SUZ12: variants seen among roughly 807,000 people sequenced by gnomAD.
The protein encoded by SUZ12 is polycomb protein SUZ12.
In SUZ12, 17 loss-of-function variants were observed where a neutral mutation model predicts 87.3. The ratio of observed to expected loss-of-function variants is 0.19; its 90% CI spans 0.13 to 0.29. The LOEUF (loss-of-function observed/expected upper bound fraction) is 0.29. SUZ12 is among the 10% of genes least tolerant of loss of function. SUZ12 has a pLI of 1.00. For synonymous variants in SUZ12, 253 were observed against 312.4 expected (o/e 0.81, Z 2.01); for missense variants, 526 against 912.2 (o/e 0.58, Z 5.45).
At chr17:31,938,389 C>T (rs947891028) in intron 1 of SUZ12, among the ~76,000 whole-genome samples, 2 of 152,170 alleles carry the variant, frequency 1.3e-5, no homozygotes, top group Admixed American at 1.3e-4. Context: ...CTTGAATAAA[C>T]TTGGCTCTAC....
rs769282850 is a variant in SUZ12, at chr17:31,988,480, A to T, written c.1184A>T (p.Lys395Ile). ...LHQENKPGSV[K>I]PTQTIAVKES... ...CAGGAAAACAAGCCTGGTTCAGTTA[A>T]ACCTACTCAAACTATTGGTAAGAAA... is the stretch of plus-strand genomic sequence containing the variant. The change falls in exon 10 of 16, where the codon AAA (lysine) becomes ATA (isoleucine). Residue 395 changes from lysine to isoleucine, a missense_variant. Around this residue, in one of 9 missense-constraint regions of SUZ12, gnomAD observed 85 missense variants for 87.4 expected, o/e 0.97. Coordinates refer to ENST00000322652, the MANE Select transcript of SUZ12 (RefSeq NM_015355.4). The T allele has an allele frequency of 6.3e-7, 1 of 1,598,496 alleles. No individual in the cohort carries two copies. Among genetic ancestry groups the T allele is most frequent in the South Asian group, 1.1e-5 (1 of 87,716 alleles).
intron 8 of SUZ12, among the ~76,000 whole-genome samples, chr17:31,977,364 C>G (rs1217395915): frequency 1.3e-5 from 2 of 150,944 alleles, no homozygotes; most frequent in Non-Finnish European, 2.9e-5. Context: ...TGCAACCCCT[C>G]TGCCACCTGG....
At chr17:31,966,261 A>T (rs1202292179) in intron 5 of SUZ12, 65 bp downstream of exon 5, 1 of 1,335,854 alleles carries the variant, frequency 7.5e-7, no homozygotes, top group Non-Finnish European at 1.0e-6. Flanking sequence ...ATGTAAAAAA[A>T]GTGGGGCTTC....
intron 4 of SUZ12, among the ~76,000 whole-genome samples, chr17:31,956,798 GT>G (rs1241781907): frequency 2.0e-5 from 3 of 150,878 alleles, no homozygotes; most frequent in East Asian, 3.9e-4. Flanking sequence ...ATATTTTTTG[GT>G]TTTTTGAGAC....
At chr17:31,971,862 C>G (rs1475180786) in intron 5 of SUZ12, among the ~76,000 whole-genome samples, 1 of 152,172 alleles carries the variant, frequency 6.6e-6, no homozygotes. Flanking sequence ...TGCCTGTAGT[C>G]TCAGCTACTT....
Position 31,996,793 on chromosome 17 carries a change from C to T in SUZ12, c.1795-5C>T. On this transcript the variant is annotated splice_region_variant and splice_polypyrimidine_tract_variant and intron_variant, in intron 14 of 15. Transcript: ENST00000322652. ...TTAATAGGTGTTTTTCTTTCTTTTT[C>T]CCAGCAAATTGAAGAGTTTTCTGAT... 6.5e-7 allele frequency: 1 copy of T among 1,534,330 alleles called. No individual in the cohort carries two copies. The highest frequency in any genetic ancestry group is 8.7e-7 in the Non-Finnish European group (1 of 1,152,168).
At chr17:31,989,755 C>A (rs1485768256) in intron 10 of SUZ12, among the ~76,000 whole-genome samples, 1 of 142,576 alleles carries the variant, frequency 7.0e-6, no homozygotes, top group African/African-American at 2.6e-5. Context: ...CCTGCCACCA[C>A]GACCAGCTAA....
intron 4 of SUZ12, among the ~76,000 whole-genome samples, chr17:31,960,139 T>G (rs1192355857): frequency 6.6e-6 from 1 of 152,128 alleles, no homozygotes; most frequent in African/African-American, 2.4e-5. Flanking sequence ...AGAGAAAACT[T>G]TGCCCTTTTC....
intron 8 of SUZ12, among the ~76,000 whole-genome samples, chr17:31,980,407 G>C (rs985030827): frequency 2.5e-5 from 3 of 119,906 alleles, no homozygotes; most frequent in African/African-American, 3.1e-5. Flanking sequence ...AGAATAGTAA[G>C]ATATACCAGA....
intron 10 of SUZ12, among the ~76,000 whole-genome samples, chr17:31,991,029 G>A (rs1261208613): frequency 6.6e-6 from 1 of 152,196 alleles, no homozygotes; most frequent in Non-Finnish European, 1.5e-5. Flanking sequence ...CTACAGGCTT[G>A]AGCCATTGCG....
At chr17:31,993,061 A>AG (rs1241541950) in intron 10 of SUZ12, among the ~76,000 whole-genome samples, 181 bp from the exon 11 acceptor site, 1 of 152,230 alleles carries the variant, frequency 6.6e-6, no homozygotes, top group Non-Finnish European at 1.5e-5. Flanking sequence ...ACATCAGATT[A>AG]GGGATGCTGA....
rs1909811768 is a variant in SUZ12 at position 31,993,230 on chromosome 17, G to GTA, written c.1202-10_1202-9dup. The GTA allele has an allele frequency of 6.5e-7, 1 of 1,529,910 alleles. No homozygotes were observed. 94.8% of individuals were successfully genotyped at this position (1,529,910 alleles called of 1,614,324 possible). ...CAATGTTTTTATTGAATATAAAAGTGTATGTTTTCAGCTGTTAAAGAATCA... is the reference window on the plus strand; with the variant it reads ...CAATGTTTTTATTGAATATAAAAGTGTATATGTTTTCAGCTGTTAAAGAATCA... On this transcript the variant is annotated splice_polypyrimidine_tract_variant and intron_variant, in intron 10 of 15. Transcript: ENST00000322652.
At chr17:31,982,045 G>T (rs1909143021) in intron 8 of SUZ12, among the ~76,000 whole-genome samples, 1 of 152,180 alleles carries the variant, frequency 6.6e-6, no homozygotes, top group Admixed American at 6.5e-5. Context: ...TAGAGTAGTA[G>T]TGGTTACTAG....
chr17:31,974,880 A>G (rs1193954288), intron 6 of SUZ12, among the ~76,000 whole-genome samples: 21 of 152,322 alleles, frequency 1.4e-4, no homozygotes, highest in Admixed American at 1.2e-3. Context: ...TAATCATACA[A>G]TAACAGAATA....
intron 5 of SUZ12, among the ~76,000 whole-genome samples, chr17:31,969,828 G>C (rs774321151): frequency 2.5e-4 from 38 of 152,242 alleles, no homozygotes; most frequent in Admixed American, 1.1e-3. Context: ...GAGCCCAGGA[G>C]TTTGAATAGA....
At chr17:31,971,717 A>G (rs994856048) in intron 5 of SUZ12, among the ~76,000 whole-genome samples, 2 of 152,022 alleles carry the variant, frequency 1.3e-5, no homozygotes, top group African/African-American at 4.8e-5. Context: ...GGCGTGAGCC[A>G]CCACACCTGG....
At chr17:31,974,090 G>T (rs1018884153) in intron 6 of SUZ12, among the ~76,000 whole-genome samples, 1 of 152,044 alleles carries the variant, frequency 6.6e-6, no homozygotes, top group Non-Finnish European at 1.5e-5. Flanking sequence ...AGGCATGATG[G>T]CCTGTGCCTG....
At position 31,975,672 on chromosome 17, in the gene SUZ12, A is replaced by G. The variant is rs1408847747; in HGVS notation, c.782A>G (p.Glu261Gly). Residue 261 changes from glutamate (E) to glycine (G), a missense_variant, in exon 7 of 16, where the codon GAG becomes GGG. By Grantham distance (98) the Glu-to-Gly change is moderately conservative. Coordinates refer to ENST00000322652, the MANE Select transcript of SUZ12 (RefSeq NM_015355.4). ...AGAGTGACTCGTCCAGGAAGAAGAG[A>G]GTTTAATGGAATGATTAATGGAGAA... ...LFRVTRPGRR[E>G]FNGMINGETN... The G allele has an allele frequency of 6.2e-7, 1 of 1,613,452 alleles. No homozygotes were observed. Among genetic ancestry groups the G allele is most frequent in the East Asian group, 2.2e-5 (1 of 44,860 alleles).
In SUZ12 at chr17:31,995,555, T is replaced by C. The variant is rs1909933666; in HGVS notation, c.1596-9T>C. ...AGGCCATAAATCAACATTTATTTCTTTTCATTAGGCCAAAACGAACAAAAG... is the reference window on the plus strand; with the variant it reads ...AGGCCATAAATCAACATTTATTTCTCTTCATTAGGCCAAAACGAACAAAAG... On this transcript the variant is annotated splice_polypyrimidine_tract_variant and intron_variant, in intron 13 of 15. Transcript: ENST00000322652. 4 of 1,613,642 alleles carry C rather than the reference T, an allele frequency of 2.5e-6. No individual in the cohort carries two copies. Among genetic ancestry groups the C allele is most frequent in the Non-Finnish European group, 2.5e-6 (3 of 1,179,734 alleles).
Sources: gnomAD v4.1 joint callset for allele counts (sites outside exome capture counted in the v4.1 genomes callset) on GRCh38, gnomAD v4.1.1 for gene constraint, gnomAD v4.1.1 regional missense constraint, MANE v1.5 for transcripts, NCBI Gene and HGNC (gene_info 2026-07-23, HGNC 2026-07-21) for gene names.